The following RARB variants were observed in gnomAD, a reference collection of about 807,000 sequenced individuals.
RARB encodes retinoic acid receptor beta.
A neutral mutation model predicts 51.9 loss-of-function variants in RARB; 17 were observed. The observed-to-expected ratio is 0.33, with a 90% CI of 0.22 to 0.49. The LOEUF (loss-of-function observed/expected upper bound fraction) is 0.49. Ranked by LOEUF, RARB falls within the 20% of genes least tolerant of loss-of-function variation. RARB has a pLI of 0.99. For missense variants in RARB, 369 were observed against 550.8 expected (o/e 0.67, Z 3.30); for synonymous variants, 215 against 195.4 (o/e 1.10, Z -0.84).
intron 5 of RARB, among the ~76,000 whole-genome samples, chr3:25,260,617 A>C (rs1702975671): frequency 6.6e-6 from 1 of 152,094 alleles, no homozygotes; most frequent in South Asian, 2.1e-4. Flanking sequence ...CCAGCTCTTC[A>C]TCTTACCTGC....
intron 3 of RARB, among the ~76,000 whole-genome samples, chr3:25,111,798 C>T (rs1467034851): frequency 6.6e-6 from 1 of 151,916 alleles, no homozygotes; most frequent in African/African-American, 2.4e-5. Flanking sequence ...AGGCTGGTCT[C>T]GAACTCCTGA....
rs190384336 is a variant in RARB, at chr3:25,197,423, A to G, written c.178+22848A>G. On this transcript the variant is annotated intron_variant, in intron 5 of 11. Transcript: ENST00000383772. ...GGCCTCTGTTCTGTTCCATTCGTCT[A>G]CGTATCTGTTTTGGTAACAGTACCA... Among the ~76,000 whole-genome samples, 10 of 152,228 alleles carry G rather than the reference A, an allele frequency of 6.6e-5. No individual in the cohort carries two copies. In the East Asian group the frequency reaches 1.5e-3, roughly 24 times the overall value.
chr3:25,346,186 T>C (rs1705388098), intron 5 of RARB, among the ~76,000 whole-genome samples: 1 of 152,200 alleles, frequency 6.6e-6, no homozygotes, highest in Non-Finnish European at 1.5e-5. Context: ...TTTTAATCTC[T>C]CCATGTCTCT....
At chr3:25,340,055 A>G (rs370869319) in intron 5 of RARB, among the ~76,000 whole-genome samples, 154 of 152,254 alleles carry the variant, frequency 1.0e-3, no homozygotes, top group African/African-American at 3.6e-3. Flanking sequence ...CCTACTAGCT[A>G]TTGGTACAGA....
chr3:25,551,714 C>A (rs1012413118), intron 3 of RARB, among the ~76,000 whole-genome samples: 5 of 152,118 alleles, frequency 3.3e-5, no homozygotes, highest in African/African-American at 1.2e-4. Flanking sequence ...GATCTCATTA[C>A]ACATAGAATA....
intron 5 of RARB, among the ~76,000 whole-genome samples, chr3:25,366,482 T>G (rs1438372107): frequency 1.3e-5 from 2 of 152,232 alleles, no homozygotes; most frequent in African/African-American, 2.4e-5. Context: ...AACCTCTGTT[T>G]TAAAGGATTT....
intron 5 of RARB, among the ~76,000 whole-genome samples, chr3:25,375,025 C>A (rs79145553): frequency 0.035 from 5,294 of 152,182 alleles, 120 homozygotes; most frequent in Middle Eastern, 0.065. Flanking sequence ...CTCAGAATAG[C>A]CTTTACTGAA....
chr3:24,873,167 A>G (rs546653755), intron 2 of RARB, among the ~76,000 whole-genome samples: 1 of 152,338 alleles, frequency 6.6e-6, no homozygotes, highest in South Asian at 2.1e-4. Flanking sequence ...AACCTGTTCT[A>G]CATTTGATTT....
At chr3:24,833,536 A>G (rs550925942) in intron 1 of RARB, among the ~76,000 whole-genome samples, 1 of 152,264 alleles carries the variant, frequency 6.6e-6, no homozygotes, top group African/African-American at 2.4e-5. Flanking sequence ...CATCTATTCA[A>G]TTGCCCACTT....
At chr3:24,915,947 G>A (rs1695098244) in intron 2 of RARB, among the ~76,000 whole-genome samples, 1 of 152,120 alleles carries the variant, frequency 6.6e-6, no homozygotes, top group African/African-American at 2.4e-5. Flanking sequence ...AAGTTCACAG[G>A]AGTCAGGGAG....
intron 3 of RARB, among the ~76,000 whole-genome samples, chr3:25,531,443 A>G (rs890545659): frequency 1.3e-5 from 2 of 151,934 alleles, no homozygotes; most frequent in Admixed American, 6.6e-5. Flanking sequence ...AGATACAGAT[A>G]GATTTATATA....
chr3:24,990,726 C>T (rs1696890900), intron 2 of RARB, among the ~76,000 whole-genome samples: 1 of 41,820 alleles, frequency 2.4e-5, no homozygotes. Context: ...CCTGCCTCCT[C>T]ATTATTACTC....
At chr3:25,492,736 G>A (rs553862586) in intron 2 of RARB, among the ~76,000 whole-genome samples, 16 of 152,246 alleles carry the variant, frequency 1.1e-4, no homozygotes, top group African/African-American at 3.4e-4. Context: ...ATTTTTCTAC[G>A]CATATTTTCA....
chr3:24,879,945 GTT>G (rs1255093436), intron 2 of RARB, among the ~76,000 whole-genome samples: 2 of 146,438 alleles, frequency 1.4e-5, no homozygotes, highest in African/African-American at 5.3e-5. Flanking sequence ...AAGTTCTTGA[GTT>G]TTGTGTTACG....
At chr3:25,397,470 T>C (rs956739857) in intron 5 of RARB, among the ~76,000 whole-genome samples, 1 of 152,214 alleles carries the variant, frequency 6.6e-6, no homozygotes, top group African/African-American at 2.4e-5. Flanking sequence ...GTTTCTGCAG[T>C]AGTTCCTGAA....
At chr3:24,974,736 A>G (rs145225081) in intron 2 of RARB, among the ~76,000 whole-genome samples, 45 of 152,318 alleles carry the variant, frequency 3.0e-4, no homozygotes, top group African/African-American at 9.9e-4. Context: ...ATAAATGAGT[A>G]TCAGCAAATG....
At chr3:24,999,204 G>T (rs1697106606) in intron 2 of RARB, among the ~76,000 whole-genome samples, 1 of 152,154 alleles carries the variant, frequency 6.6e-6, no homozygotes. Flanking sequence ...TTCATCCCAT[G>T]ATATGAAATT....
intron 3 of RARB, among the ~76,000 whole-genome samples, chr3:25,114,407 G>A (rs1403543814): frequency 6.6e-6 from 1 of 151,650 alleles, no homozygotes; most frequent in African/African-American, 2.4e-5. Flanking sequence ...GTTTGAAGAT[G>A]CTCTGAAAGT....
intron 3 of RARB, among the ~76,000 whole-genome samples, chr3:25,110,204 T>A (rs1048812330): frequency 1.3e-5 from 2 of 152,242 alleles, no homozygotes; most frequent in African/African-American, 2.4e-5. Context: ...TGACCATGCT[T>A]AGGCTAAATA....
Sources: gnomAD v4.1 joint callset for allele counts (sites outside exome capture counted in the v4.1 genomes callset) on GRCh38, gnomAD v4.1.1 for gene constraint, MANE v1.5 for transcripts, NCBI Gene and HGNC (gene_info 2026-07-23, HGNC 2026-07-21) for gene names.